Variants in HS6ST3 observed in about 807,000 individuals in gnomAD.
The protein encoded by HS6ST3 is heparan sulfate 6-O-sulfotransferase 3, also known as heparan-sulfate 6-O-sulfotransferase 3.
In HS6ST3, 12 loss-of-function variants were observed where a neutral mutation model predicts 36.7. That is an observed-to-expected ratio of 0.33 (90% confidence interval 0.21 to 0.53). HS6ST3 has a LOEUF of 0.53. Ranked by LOEUF, HS6ST3 falls within the 20% of genes least tolerant of loss-of-function variation. The pLI, the probability that HS6ST3 is intolerant of heterozygous loss-of-function variation, is 0.95. For missense variants in HS6ST3, 584 were observed against 640.9 expected (o/e 0.91, Z 0.96); for synonymous variants, 240 against 257.5 (o/e 0.93, Z 0.65).
intron 1 of HS6ST3, among the ~76,000 whole-genome samples, chr13:96,328,547 G>C (rs2139418993): frequency 6.6e-6 from 1 of 152,072 alleles, no homozygotes; most frequent in East Asian, 1.9e-4. Flanking sequence ...GATCATGGTG[G>C]ATGAGCTTTT....
chr13:96,381,339 T>C (rs1439180484), intron 1 of HS6ST3, among the ~76,000 whole-genome samples: 1 of 152,078 alleles, frequency 6.6e-6, no homozygotes, highest in African/African-American at 2.4e-5. Flanking sequence ...CTATATTATA[T>C]ATACATATAT....
intron 1 of HS6ST3, among the ~76,000 whole-genome samples, chr13:96,129,877 T>C (rs574075440): frequency 5.3e-5 from 8 of 152,212 alleles, no homozygotes; most frequent in Non-Finnish European, 1.2e-4. Flanking sequence ...GCACCAACTC[T>C]GTAGATTGCT....
chr13:96,290,577 C>T (rs2054824902), intron 1 of HS6ST3, among the ~76,000 whole-genome samples: 1 of 152,074 alleles, frequency 6.6e-6, no homozygotes, highest in African/African-American at 2.4e-5. Flanking sequence ...CTGCTCTGGT[C>T]AAAGCTACCA....
intron 1 of HS6ST3, among the ~76,000 whole-genome samples, chr13:96,493,325 C>G (rs1279995110): frequency 6.6e-6 from 1 of 152,150 alleles, no homozygotes; most frequent in Non-Finnish European, 1.5e-5. Context: ...AAGTAATACT[C>G]TAAGATCTCT....
intron 1 of HS6ST3, among the ~76,000 whole-genome samples, chr13:96,514,056 G>A (rs1037283386): frequency 6.6e-6 from 1 of 152,078 alleles, no homozygotes; most frequent in East Asian, 1.9e-4. Flanking sequence ...GCCTCAGTGC[G>A]ATGAGAAGCA....
intron 1 of HS6ST3, among the ~76,000 whole-genome samples, chr13:96,771,391 G>T (rs535858965): frequency 2.2e-3 from 327 of 152,080 alleles, no homozygotes; most frequent in African/African-American, 7.4e-3. Context: ...TGCACGTTGT[G>T]CACATGTACC....
At chr13:96,212,568 C>T (rs2054404200) in intron 1 of HS6ST3, among the ~76,000 whole-genome samples, 1 of 152,166 alleles carries the variant, frequency 6.6e-6, no homozygotes, top group Non-Finnish European at 1.5e-5. Flanking sequence ...GTCCAGGCAC[C>T]TTGGCTCATG....
chr13:96,783,541 T>G (rs1262665226), intron 1 of HS6ST3, among the ~76,000 whole-genome samples: 1 of 151,832 alleles, frequency 6.6e-6, no homozygotes, highest in African/African-American at 2.4e-5. Flanking sequence ...TCTCCCCTCC[T>G]CAACTATGGG....
At chr13:96,465,677 C>T (rs1257004423) in intron 1 of HS6ST3, among the ~76,000 whole-genome samples, 1 of 151,998 alleles carries the variant, frequency 6.6e-6, no homozygotes, top group East Asian at 1.9e-4. Context: ...AGGTAAAGTA[C>T]AATTTTCTGC....
At chr13:96,397,235 G>T (rs961664314) in intron 1 of HS6ST3, among the ~76,000 whole-genome samples, 16 of 151,800 alleles carry the variant, frequency 1.1e-4, no homozygotes, top group Non-Finnish European at 1.8e-4. Flanking sequence ...AACAAAAACT[G>T]CATTTTTAGA....
At chr13:96,594,520 A>G (rs1296531498) in intron 1 of HS6ST3, among the ~76,000 whole-genome samples, 1 of 152,172 alleles carries the variant, frequency 6.6e-6, no homozygotes, top group Non-Finnish European at 1.5e-5. Flanking sequence ...TAGAAAATAT[A>G]TCTTGTAGCT....
chr13:96,506,959 T>C (rs1193237170), intron 1 of HS6ST3, among the ~76,000 whole-genome samples: 2 of 152,184 alleles, frequency 1.3e-5, no homozygotes, highest in African/African-American at 2.4e-5. Context: ...CCCGTGGGTA[T>C]GGATAGTTCT....
chr13:96,353,140 G>A (rs2055192313), intron 1 of HS6ST3, among the ~76,000 whole-genome samples: 1 of 131,440 alleles, frequency 7.6e-6, no homozygotes, highest in African/African-American at 2.9e-5. Context: ...TGCAACCTCT[G>A]TCTCCCAGGT....
At chr13:96,821,693 CTTTG>C (rs1878538792) in intron 1 of HS6ST3, among the ~76,000 whole-genome samples, 1 of 152,132 alleles carries the variant, frequency 6.6e-6, no homozygotes, top group South Asian at 2.1e-4. Context: ...CAGAGACAAT[CTTTG>C]TTTGAGACTT....
At chr13:96,229,168 A>C (rs1247020897) in intron 1 of HS6ST3, among the ~76,000 whole-genome samples, 1 of 152,216 alleles carries the variant, frequency 6.6e-6, no homozygotes, top group Admixed American at 6.5e-5. Context: ...GTTTATGCTG[A>C]AAAACCCAGG....
chr13:96,762,161 A>C (rs1285810913), intron 1 of HS6ST3, among the ~76,000 whole-genome samples: 1 of 152,082 alleles, frequency 6.6e-6, no homozygotes, highest in Non-Finnish European at 1.5e-5. Flanking sequence ...CATCAAGCCA[A>C]AGTTGGGGAG....
chr13:96,598,104 G>A (rs937034089), intron 1 of HS6ST3, among the ~76,000 whole-genome samples: 7 of 152,064 alleles, frequency 4.6e-5, no homozygotes, highest in Non-Finnish European at 5.9e-5. Context: ...GTTAGATAAT[G>A]TGATGCCTCT....
intron 1 of HS6ST3, among the ~76,000 whole-genome samples, chr13:96,416,404 A>T (rs1028972906): frequency 1.3e-5 from 2 of 152,244 alleles, no homozygotes; most frequent in Non-Finnish European, 2.9e-5. Context: ...CATACCTGGA[A>T]TGGTATAAAT....
chr13:96,712,336 G>A (rs1408862517), intron 1 of HS6ST3, among the ~76,000 whole-genome samples: 1 of 152,164 alleles, frequency 6.6e-6, no homozygotes, highest in African/African-American at 2.4e-5. Context: ...ACTTCCTAAT[G>A]CTTGTAAGAA....
Sources: gnomAD v4.1 joint callset for allele counts (sites outside exome capture counted in the v4.1 genomes callset) on GRCh38, gnomAD v4.1.1 for gene constraint, MANE v1.5 for transcripts, NCBI Gene and HGNC (gene_info 2026-07-23, HGNC 2026-07-21) for gene names.